The following ADGRL4 variants were observed in gnomAD, a reference collection of about 807,000 sequenced individuals.
ADGRL4 encodes the protein EGF, latrophilin and seven transmembrane domain containing 1.
In ADGRL4, 90 loss-of-function variants were observed where a neutral mutation model predicts 74.8. The ratio of observed to expected loss-of-function variants is 1.20; its 90% CI spans 1.02 to 1.43. ADGRL4 has a LOEUF of 1.43. ADGRL4 is among the 40% of genes most tolerant of loss of function. The pLI is 0.00. For synonymous variants in ADGRL4, 311 were observed against 279.2 expected, an observed-to-expected ratio of 1.11 and a Z score of -1.14; for missense variants, 881 against 814.3, an observed-to-expected ratio of 1.08 and a Z score of -1.00.
At chr1:78,955,941 A>G (rs1173179712) in intron 2 of ADGRL4, among the ~76,000 whole-genome samples, 1 of 152,160 alleles carries the variant, frequency 6.6e-6, no homozygotes, top group East Asian at 1.9e-4. Flanking sequence ...TTATTTACAC[A>G]AATACATTGT....
chr1:78,977,903 G>A (rs1650320170), intron 2 of ADGRL4, among the ~76,000 whole-genome samples: 1 of 151,880 alleles, frequency 6.6e-6, no homozygotes, highest in African/African-American at 2.4e-5. Flanking sequence ...ACTAGCAAAA[G>A]AGTATAGGCC....
intron 12 of ADGRL4, among the ~76,000 whole-genome samples, chr1:78,899,806 G>T (rs1402977299): frequency 6.6e-6 from 1 of 151,420 alleles, no homozygotes; most frequent in Admixed American, 6.6e-5. Context: ...ACCATATTAA[G>T]TGCCTTAGTT....
At position 78,889,844 on chromosome 1, in the gene ADGRL4, A is replaced by G. The variant is rs888920332; in HGVS notation, c.*1310T>C. The G allele has an allele frequency of 2.2e-6, 1 of 465,034 alleles. No individual in the cohort carries two copies. The highest frequency in any genetic ancestry group is 4.5e-6 in the Non-Finnish European group (1 of 224,438). 28.8% of individuals were successfully genotyped at this position (465,034 alleles called of 1,614,324 possible). A position where few individuals can be genotyped will look rare whatever the true frequency, so the allele number is the denominator to read the frequency against. On this transcript the variant is annotated 3_prime_UTR_variant, in exon 15 of 15. Transcript: ENST00000370742. ...CAGCTGGAGGAATTAATTTAAAATC[A>G]CAAATTTAGTGTATTGGCACACTTT...
intron 2 of ADGRL4, among the ~76,000 whole-genome samples, chr1:78,973,399 G>A (rs1035322156): frequency 4.6e-5 from 7 of 151,434 alleles, no homozygotes; most frequent in South Asian, 2.1e-4. Flanking sequence ...ATTTTAAAAC[G>A]TTTCACATAA....
rs1649985690 is a variant in ADGRL4, at chr1:78,963,039, T to G, written c.173-16613A>C. On this transcript the variant is annotated intron_variant, in intron 2 of 14. Transcript: ENST00000370742. ...CTGCCCTCTGTTTTAAACTGTGAGA[T>G]TCTCAAGGAAAAAAGATCATAATTT... Among the ~76,000 whole-genome samples, 5 of 152,158 alleles carry G rather than the reference T, an allele frequency of 3.3e-5. No homozygotes were observed. The South Asian group carries it at 1.0e-3, about 32-fold the overall frequency.
At chr1:78,999,839 T>TCTAC (rs1160580495) in intron 2 of ADGRL4, among the ~76,000 whole-genome samples, 14,077 of 110,850 alleles carry the variant, frequency 0.13, 1,283 homozygotes, top group East Asian at 0.19. Flanking sequence ...TATCTATCTA[T>TCTAC]CTACCTACCT....
chr1:78,902,067 G>T (rs1648532555), intron 12 of ADGRL4, among the ~76,000 whole-genome samples: 1 of 152,090 alleles, frequency 6.6e-6, no homozygotes, highest in Non-Finnish European at 1.5e-5. Flanking sequence ...ATTGCTCTGG[G>T]ATAGTAACAG....
In ADGRL4 at chr1:78,945,164, C is replaced by CAAAA. The variant is rs57419194; in HGVS notation, c.325+1106_325+1109dup. ...TGGGCGACAGAGCGAGACTCTGTCT[C>CAAAA]AAAAAAAAAAAAAATATATATATAT... is the stretch of plus-strand genomic sequence containing the variant. On this transcript the variant is annotated intron_variant, in intron 3 of 14. Transcript: ENST00000370742. Among the ~76,000 whole-genome samples, 163 of 116,514 alleles carry CAAAA rather than the reference C, an allele frequency of 1.4e-3. 2 individuals are homozygous for CAAAA. The highest frequency in any genetic ancestry group is 6.8e-3 in the East Asian group (20 of 2,934). 76.4% of individuals were successfully genotyped at this position (116,514 alleles called of 152,430 possible).
intron 12 of ADGRL4, among the ~76,000 whole-genome samples, chr1:78,902,651 C>T (rs574057036): frequency 6.6e-6 from 1 of 152,264 alleles, no homozygotes; most frequent in East Asian, 1.9e-4. Context: ...ATTGTACAGA[C>T]ATTTATTTAC....
intron 2 of ADGRL4, among the ~76,000 whole-genome samples, chr1:78,997,408 T>G (rs1650739813): frequency 6.6e-6 from 1 of 152,232 alleles, no homozygotes; most frequent in Admixed American, 6.5e-5. Context: ...CTTGCATTAC[T>G]GACAATTTTA....
intron 12 of ADGRL4, among the ~76,000 whole-genome samples, chr1:78,912,324 C>T (rs1648778596): frequency 6.6e-6 from 1 of 151,824 alleles, no homozygotes; most frequent in Non-Finnish European, 1.5e-5. Flanking sequence ...AACTGAGTTC[C>T]TGGCCATGAT....
chr1:78,965,420 C>T (rs1405905848), intron 2 of ADGRL4, among the ~76,000 whole-genome samples: 1 of 152,076 alleles, frequency 6.6e-6, no homozygotes, highest in African/African-American at 2.4e-5. Context: ...GAACAACACG[C>T]TAACATTACA....
At chr1:78,914,732 C>G (rs1648834853) in intron 12 of ADGRL4, among the ~76,000 whole-genome samples, 1 of 150,930 alleles carries the variant, frequency 6.6e-6, no homozygotes, top group Non-Finnish European at 1.5e-5. Flanking sequence ...ACTTCTTTTT[C>G]CTTTCCAGAT....
intron 2 of ADGRL4, among the ~76,000 whole-genome samples, chr1:79,004,034 T>C (rs1650907124): frequency 6.6e-6 from 1 of 152,060 alleles, no homozygotes; most frequent in African/African-American, 2.4e-5. Flanking sequence ...AGTTTGGTCT[T>C]ACTAAACACG....
chr1:78,920,826 G>A (rs1648981940), intron 9 of ADGRL4, among the ~76,000 whole-genome samples: 2 of 151,700 alleles, frequency 1.3e-5, no homozygotes, highest in African/African-American at 4.8e-5. Context: ...CAGAATATAA[G>A]GATTATCAAG....
chr1:78,910,961 A>T (rs1404746906), intron 12 of ADGRL4, among the ~76,000 whole-genome samples: 4 of 151,850 alleles, frequency 2.6e-5, no homozygotes, highest in African/African-American at 9.7e-5. Context: ...TTACTGTTCA[A>T]ATACCTAAGT....
chr1:78,921,334 A>G (rs539105048), intron 9 of ADGRL4, among the ~76,000 whole-genome samples: 1 of 150,912 alleles, frequency 6.6e-6, no homozygotes, highest in South Asian at 2.1e-4. Flanking sequence ...ATGGCTCTTG[A>G]AAGCAGCATT....
At chr1:78,944,151 T>C (rs1208686997) in intron 3 of ADGRL4, among the ~76,000 whole-genome samples, 3 of 152,066 alleles carry the variant, frequency 2.0e-5, no homozygotes, top group Non-Finnish European at 2.9e-5. Flanking sequence ...AACCGAGAAA[T>C]GTAGCCCTTT....
At chr1:78,940,582 A>G (rs1649455485) in intron 3 of ADGRL4, among the ~76,000 whole-genome samples, 1 of 152,148 alleles carries the variant, frequency 6.6e-6, no homozygotes, top group African/African-American at 2.4e-5. Flanking sequence ...TGAGGAGTCT[A>G]GATCATTACC....
Sources: allele counts gnomAD v4.1 joint callset (sites outside exome capture counted in the v4.1 genomes callset), GRCh38; gene constraint gnomAD v4.1.1; transcripts MANE v1.5; gene names NCBI Gene and HGNC (gene_info 2026-07-23, HGNC 2026-07-21).